CSMD1: variants seen among roughly 807,000 people sequenced by gnomAD.
CSMD1 encodes CUB and Sushi multiple domains 1.
Under a neutral mutation model 417.5 loss-of-function variants are expected in CSMD1, and 213 were observed. The observed-to-expected ratio is 0.51, with a 90% CI of 0.46 to 0.57. The LOEUF (loss-of-function observed/expected upper bound fraction) is 0.57, where lower values mean the gene tolerates loss of function less well. Ranked by LOEUF, CSMD1 falls within the 20% of genes least tolerant of loss-of-function variation. CSMD1 has a pLI of 0.00. For missense variants in CSMD1, 6,923 were observed against 4,529.7 expected, an observed-to-expected ratio of 1.53 and a Z score of -15.17; for synonymous variants, 2,862 against 1,736.8, an observed-to-expected ratio of 1.65 and a Z score of -16.11.
chr8:4,700,097 G>A (rs1807426875), intron 1 of CSMD1, among the ~76,000 whole-genome samples: 1 of 152,078 alleles, frequency 6.6e-6, no homozygotes, highest in Non-Finnish European at 1.5e-5. Context: ...TCACCACAGA[G>A]TCATTTTTCT....
At chr8:4,084,039 C>T (rs950937365) in intron 3 of CSMD1, among the ~76,000 whole-genome samples, 5 of 151,994 alleles carry the variant, frequency 3.3e-5, no homozygotes, top group Non-Finnish European at 5.9e-5. Flanking sequence ...CAAAAAAACC[C>T]TTTTAAAATT....
intron 2 of CSMD1, among the ~76,000 whole-genome samples, chr8:4,530,550 T>G (rs1796758831): frequency 6.6e-6 from 1 of 150,684 alleles, no homozygotes; most frequent in Middle Eastern, 3.4e-3. Flanking sequence ...CGTGCCCATA[T>G]GTTCTCATTG....
chr8:3,374,236 G>A (rs1350836133), intron 18 of CSMD1, among the ~76,000 whole-genome samples: 1 of 152,102 alleles, frequency 6.6e-6, no homozygotes, highest in African/African-American at 2.4e-5. Context: ...TGAGATTACA[G>A]GCGTGAGCCA....
chr8:3,250,056 T>C (rs1374801143), intron 26 of CSMD1, among the ~76,000 whole-genome samples: 2 of 152,196 alleles, frequency 1.3e-5, no homozygotes, highest in African/African-American at 4.8e-5. Flanking sequence ...GTACATATTT[T>C]TGTTTATTTA....
chr8:4,683,191 A>G (rs1224045443), intron 1 of CSMD1, among the ~76,000 whole-genome samples: 1 of 151,970 alleles, frequency 6.6e-6, no homozygotes, highest in Non-Finnish European at 1.5e-5. Flanking sequence ...TCTAAGGGTA[A>G]TATGTTCATG....
At chr8:3,540,801 G>A (rs981681877) in intron 10 of CSMD1, among the ~76,000 whole-genome samples, 3 of 148,318 alleles carry the variant, frequency 2.0e-5, no homozygotes, top group Non-Finnish European at 4.6e-5. Flanking sequence ...TCACTGATAA[G>A]TAAAGAAGTG....
At chr8:3,702,807 T>A (rs1800944348) in intron 7 of CSMD1, among the ~76,000 whole-genome samples, 1 of 152,178 alleles carries the variant, frequency 6.6e-6, no homozygotes, top group South Asian at 2.1e-4. Flanking sequence ...CCAGCCTGGG[T>A]GACAGAACGA....
chr8:3,193,553 C>G (rs144438149), intron 33 of CSMD1, among the ~76,000 whole-genome samples: 1 of 152,050 alleles, frequency 6.6e-6, no homozygotes, highest in African/African-American at 2.4e-5. Context: ...ACATTTCAGA[C>G]GGCATCCGAG....
chr8:4,734,957 T>C (rs1332704338), intron 1 of CSMD1, among the ~76,000 whole-genome samples: 1 of 152,180 alleles, frequency 6.6e-6, no homozygotes, highest in Non-Finnish European at 1.5e-5. Context: ...TGGCCTGGGA[T>C]TCTGGGAAAG....
rs191705189 is a variant in CSMD1 at position 4,066,668 on chromosome 8, G to A, written c.416-34569C>T. ...TGGATGTTTTTGCTCATCAAACCAA[G>A]AACATTTCTATTCTATCCAACCTGA... On this transcript the variant is annotated intron_variant, in intron 3 of 69. Coordinates refer to ENST00000635120, the MANE Select transcript of CSMD1 (RefSeq NM_033225.6). 3.6e-3 allele frequency among the ~76,000 whole-genome samples: 548 copies of A among 152,270 alleles called. 1 individual carries two copies. Among genetic ancestry groups the A allele is most frequent in the Non-Finnish European group, 5.2e-3 (353 of 68,022 alleles).
chr8:4,603,175 T>C (rs1365650312), intron 2 of CSMD1, among the ~76,000 whole-genome samples: 2 of 152,048 alleles, frequency 1.3e-5, no homozygotes, highest in African/African-American at 4.8e-5. Context: ...ATATCAGTTC[T>C]AATTATGTGC....
Position 3,619,459 on chromosome 8 carries a change from G to C in CSMD1, c.1010-2662C>G, listed in dbSNP as rs540933349. On this transcript the variant is annotated intron_variant, in intron 7 of 69. Coordinates refer to ENST00000635120, the MANE Select transcript of CSMD1 (RefSeq NM_033225.6). ...TTCAAAGGGTCGAAATAAATCTCTA[G>C]ATACAGTCACTGAAGAAATATATGC... Among the ~76,000 whole-genome samples the C allele has an allele frequency of 3.3e-5, 5 of 152,088 alleles. No individual in the cohort carries two copies. The South Asian group carries it at 8.3e-4, about 25-fold the overall frequency.
intron 10 of CSMD1, among the ~76,000 whole-genome samples, chr8:3,519,370 G>C (rs534328236): frequency 2.6e-5 from 4 of 152,116 alleles, no homozygotes; most frequent in Non-Finnish European, 5.9e-5. Context: ...ATCTTGAAAG[G>C]GTTTCTATGG....
chr8:4,937,148 G>C (rs1807674159), intron 1 of CSMD1, among the ~76,000 whole-genome samples: 1 of 152,172 alleles, frequency 6.6e-6, no homozygotes, highest in African/African-American at 2.4e-5. Context: ...AGGAGCTCAA[G>C]GCTGCAGTGA....
At chr8:4,900,254 T>C (rs916207162) in intron 1 of CSMD1, among the ~76,000 whole-genome samples, 1 of 152,170 alleles carries the variant, frequency 6.6e-6, no homozygotes, top group African/African-American at 2.4e-5. Context: ...CACCTGCCAG[T>C]GTCACCTTCT....
chr8:4,793,726 G>C (rs145902764), intron 1 of CSMD1, among the ~76,000 whole-genome samples: 5 of 151,436 alleles, frequency 3.3e-5, no homozygotes, highest in Admixed American at 6.6e-5. Context: ...TTTTACAGGG[G>C]AAATGACATT....
chr8:3,149,381 T>C (rs1476384001), intron 40 of CSMD1, among the ~76,000 whole-genome samples: 2 of 152,350 alleles, frequency 1.3e-5, no homozygotes, highest in South Asian at 2.1e-4. Context: ...AAAATACAAC[T>C]GGGTGACTTT....
chr8:3,473,941 G>A (rs1402337642), intron 11 of CSMD1, among the ~76,000 whole-genome samples: 2 of 152,156 alleles, frequency 1.3e-5, no homozygotes, highest in Non-Finnish European at 2.9e-5. Context: ...GAGAGAGCAT[G>A]TGAGGGAGGA....
chr8:3,106,657 C>A lies in CSMD1; in HGVS notation c.6836-16G>T. On this transcript the variant is annotated splice_polypyrimidine_tract_variant and intron_variant, in intron 45 of 69. Transcript: ENST00000635120. ...ACAAAATCTCCTAGAAGAGTCAATG[C>A]AACAAACCAGGAAATTGTGTGTGAC... 1 of 1,536,080 alleles carries A rather than the reference C, an allele frequency of 6.5e-7. No individual in the cohort carries two copies. The highest frequency in any genetic ancestry group is 9.0e-7 in the Non-Finnish European group (1 of 1,111,308).
Sources: allele counts gnomAD v4.1 joint callset (sites outside exome capture counted in the v4.1 genomes callset), GRCh38; gene constraint gnomAD v4.1.1; transcripts MANE v1.5; gene names NCBI Gene and HGNC (gene_info 2026-07-23, HGNC 2026-07-21).